GNG7: variants seen among roughly 807,000 people sequenced by gnomAD.
The protein encoded by GNG7 is G protein subunit gamma 7, also known as guanine nucleotide-binding protein G(I)/G(S)/G(O) subunit gamma-7.
A neutral mutation model predicts 4.0 loss-of-function variants in GNG7; 1 was observed. The observed-to-expected ratio is 0.25, with a 90% CI of 0.09 to 1.18. The LOEUF is 1.18. Among genes scored for constraint, GNG7 ranks in the 50% most tolerant of loss-of-function variants. The pLI, the probability that GNG7 is intolerant of heterozygous loss-of-function variation, is 0.50. For missense variants in GNG7, 86 were observed against 91.9 expected, an observed-to-expected ratio of 0.94 and a Z score of 0.26; for synonymous variants, 34 against 36.9, an observed-to-expected ratio of 0.92 and a Z score of 0.29.
intron 2 of GNG7, among the ~76,000 whole-genome samples, chr19:2,560,101 G>T (rs1034066470): frequency 8.6e-5 from 13 of 151,674 alleles, no homozygotes; most frequent in African/African-American, 3.1e-4. Flanking sequence ...GGGAACGCAC[G>T]TCCATGACTC....
intron 2 of GNG7, among the ~76,000 whole-genome samples, chr19:2,581,644 T>C (rs537284257): frequency 6.6e-6 from 1 of 152,284 alleles, no homozygotes; most frequent in South Asian, 2.1e-4. Context: ...CCTCCCCTTC[T>C]TGAGGGTGAG....
In GNG7 at chr19:2,537,571, G is replaced by A. The variant is rs117918188; in HGVS notation, c.-37-16846C>T. Among the ~76,000 whole-genome samples the A allele has an allele frequency of 7.9e-5, 12 of 152,248 alleles. No individual in the cohort carries two copies. The East Asian group carries it at 2.3e-3, about 29-fold the overall frequency. ...AATCTGATATAGAATATAGAATAGG[G>A]TCATAATATATAAATGTAATCAACA... On this transcript the variant is annotated intron_variant, in intron 3 of 4. Coordinates refer to ENST00000382159, the MANE Select transcript of GNG7 (RefSeq NM_052847.3).
chr19:2,532,466 A>C (rs1186262434), intron 3 of GNG7, among the ~76,000 whole-genome samples: 1 of 152,210 alleles, frequency 6.6e-6, no homozygotes, highest in Admixed American at 6.5e-5. Flanking sequence ...CTACAGAAGA[A>C]AGAGCAAAAG....
Position 2,614,646 on chromosome 19 carries a change from G to A in GNG7, c.-78+31578C>T, listed in dbSNP as rs771375394. Among the ~76,000 whole-genome samples, 12 of 152,154 alleles carry A rather than the reference G, an allele frequency of 7.9e-5. No individual in the cohort carries two copies. Among genetic ancestry groups the A allele is most frequent in the East Asian group, 1.9e-4 (1 of 5,198 alleles). On this transcript the variant is annotated intron_variant, in intron 2 of 4. Coordinates refer to ENST00000382159, the MANE Select transcript of GNG7 (RefSeq NM_052847.3). This position sits in a 1 kb window ranked among gnomAD's most constrained non-coding sequence, Gnocchi z 6.0. ...AGAGTCTCGTTCACGGCTGAGTCTC[G>A]TTCCAGTGTGTGGAGGGCCACGCTG...
At chr19:2,685,378 C>T (rs1032572924) in intron 1 of GNG7, among the ~76,000 whole-genome samples, 1 of 152,112 alleles carries the variant, frequency 6.6e-6, no homozygotes, top group African/African-American at 2.4e-5. Context: ...AATCTCAGCA[C>T]TTTGGGAGGC....
At chr19:2,671,264 C>A (rs1321865808) in intron 1 of GNG7, among the ~76,000 whole-genome samples, 1 of 133,534 alleles carries the variant, frequency 7.5e-6, no homozygotes, top group Non-Finnish European at 1.6e-5. Context: ...CCACCTTCCA[C>A]CAACTCCCAG....
intron 2 of GNG7, among the ~76,000 whole-genome samples, chr19:2,646,020 CGTG>C (rs1982656358): frequency 6.6e-6 from 1 of 152,110 alleles, no homozygotes; most frequent in African/African-American, 2.4e-5. Context: ...TTCCCTGCCT[CGTG>C]GGCGGGAAAC....
intron 1 of GNG7, among the ~76,000 whole-genome samples, chr19:2,661,342 AAG>A (rs1448030534): frequency 4.7e-5 from 7 of 150,342 alleles, no homozygotes; most frequent in Non-Finnish European, 1.0e-4. Flanking sequence ...GAAAGAAAGA[AAG>A]AAAGAAAGAA....
At chr19:2,628,773 C>T (rs1982084145) in intron 2 of GNG7, among the ~76,000 whole-genome samples, 2 of 152,024 alleles carry the variant, frequency 1.3e-5, no homozygotes, top group African/African-American at 4.8e-5. Flanking sequence ...TTTATGGGCT[C>T]ACCTGATGAG....
At chr19:2,551,402 T>C (rs1979313732) in intron 3 of GNG7, among the ~76,000 whole-genome samples, 1 of 152,068 alleles carries the variant, frequency 6.6e-6, no homozygotes, top group Admixed American at 6.6e-5. Flanking sequence ...GAGTGTCATT[T>C]GTGTGGGGGC....
rs1229197006 is a variant in GNG7 at position 2,651,245 on chromosome 19, T to TTTCCTTCCTTCCTTCC, written c.-134-4981_-134-4966dup. Among the ~76,000 whole-genome samples the TTTCCTTCCTTCCTTCC allele has an allele frequency of 8.6e-4, 75 of 87,210 alleles. 1 individual carries two copies. The highest frequency in any genetic ancestry group is 2.6e-3 in the African/African-American group (70 of 26,482). 57.2% of individuals were successfully genotyped at this position (87,210 alleles called of 152,430 possible). ...CCGACTTCCTTCCTTCCTTCCTTCC[T>TTTCCTTCCTTCCTTCC]TTCCTTCCTTCCTTCCTTCCTTCCT... On this transcript the variant is annotated intron_variant, in intron 1 of 4. Coordinates refer to ENST00000382159, the MANE Select transcript of GNG7 (RefSeq NM_052847.3).
chr19:2,619,689 C>A (rs1055250347), intron 2 of GNG7, among the ~76,000 whole-genome samples: 3 of 152,120 alleles, frequency 2.0e-5, no homozygotes, highest in African/African-American at 7.2e-5. Context: ...AGTGTGTGAT[C>A]CCATTTCTAC....
rs536891105 is a variant in GNG7 at position 2,652,584 on chromosome 19, C to T, written c.-134-6304G>A. Among the ~76,000 whole-genome samples the T allele has an allele frequency of 5.3e-5, 8 of 152,286 alleles. No individual in the cohort carries two copies. In the South Asian group the frequency reaches 1.5e-3, roughly 28 times the overall value. Reference sequence around the variant, plus strand: ...CAGTGAGCTGGGATCGTGCCACCTGCACTCCAGCCTGGGGAACAGAGCGAG... The same window carrying T: ...CAGTGAGCTGGGATCGTGCCACCTGTACTCCAGCCTGGGGAACAGAGCGAG... On this transcript the variant is annotated intron_variant, in intron 1 of 4. Transcript: ENST00000382159.
At chr19:2,535,016 A>G (rs1408996671) in intron 3 of GNG7, among the ~76,000 whole-genome samples, 1 of 152,306 alleles carries the variant, frequency 6.6e-6, no homozygotes, top group South Asian at 2.1e-4. Context: ...ATTTAAACAG[A>G]TATCTGTGCA....
At chr19:2,566,875 G>A (rs1979926234) in intron 2 of GNG7, among the ~76,000 whole-genome samples, 1 of 152,152 alleles carries the variant, frequency 6.6e-6, no homozygotes, top group African/African-American at 2.4e-5. Flanking sequence ...GGCCGAGGCA[G>A]GCGGATCATC....
chr19:2,620,495 C>T (rs1981840627), intron 2 of GNG7, among the ~76,000 whole-genome samples: 4 of 152,260 alleles, frequency 2.6e-5, no homozygotes, highest in South Asian at 4.1e-4. Flanking sequence ...ACCTCAGAAC[C>T]GTTTCCTATC....
At chr19:2,644,359 ATATATATAT>A (rs1982605288) in intron 2 of GNG7, among the ~76,000 whole-genome samples, 1 of 19,694 alleles carries the variant, frequency 5.1e-5, no homozygotes, top group Non-Finnish European at 9.8e-5. Flanking sequence ...ATATATATAT[ATATATATAT>A]ATATATATAT....
Position 2,659,610 on chromosome 19 carries a change from A to AAAAAAAAAAAAG in GNG7, c.-134-13331_-134-13330insCTTTTTTTTTTT, listed in dbSNP as rs5826778. On this transcript the variant is annotated intron_variant, in intron 1 of 4. Coordinates refer to ENST00000382159, the MANE Select transcript of GNG7 (RefSeq NM_052847.3). Reference sequence around the variant, plus strand: ...TCCATCTTAAAAAAAAAAAAAAAAAAAGAGAGGAGGGGAGGGAAAGAGGGA... The same window carrying AAAAAAAAAAAAG: ...TCCATCTTAAAAAAAAAAAAAAAAAAAAAAAAAAAAAGAGAGAGGAGGGGAGGGAAAGAGGGA... Among the ~76,000 whole-genome samples, 397 of 121,422 alleles carry AAAAAAAAAAAAG rather than the reference A, an allele frequency of 3.3e-3. 24 individuals carry two copies. Among genetic ancestry groups the AAAAAAAAAAAAG allele is most frequent in the African/African-American group, 0.011 (330 of 30,576 alleles). The allele number at this position is 121,422 out of a possible 152,430, so 79.7% of individuals were successfully genotyped here.
chr19:2,531,259 G>A (rs981200890), intron 3 of GNG7, among the ~76,000 whole-genome samples: 6 of 140,078 alleles, frequency 4.3e-5, no homozygotes, highest in Admixed American at 1.6e-4. Flanking sequence ...AACCGAGATC[G>A]TGCCACTGTA....
Sources: gnomAD v4.1 joint callset for allele counts (sites outside exome capture counted in the v4.1 genomes callset) on GRCh38, gnomAD v4.1.1 for gene constraint, Gnocchi (gnomAD v3.1) non-coding constraint, MANE v1.5 for transcripts, NCBI Gene and HGNC (gene_info 2026-07-23, HGNC 2026-07-21) for gene names.